ADARB2: variants seen among roughly 807,000 people sequenced by gnomAD.
ADARB2 encodes inactive double-stranded RNA-specific editase B2.
ADARB2 carries 25 observed loss-of-function variants against 62.2 expected under a neutral mutation model. The ratio of observed to expected loss-of-function variants is 0.40; its 90% CI spans 0.29 to 0.56. The LOEUF (loss-of-function observed/expected upper bound fraction) is 0.56, where lower values mean the gene tolerates loss of function less well. ADARB2 is among the 20% of genes least tolerant of loss of function. The probability of loss-of-function intolerance (pLI) is 0.43; values close to 1 mark genes in which losing one functional copy is unlikely to be tolerated. For missense variants in ADARB2, 1,071 were observed against 1,077.4 expected, an observed-to-expected ratio of 0.99 and a Z score of 0.08; for synonymous variants, 572 against 500.8, an observed-to-expected ratio of 1.14 and a Z score of -1.90.
At position 1,363,405 on chromosome 10, in the gene ADARB2, G is replaced by A. The variant is rs1832280437; in HGVS notation, c.700C>T (p.Pro234Ser). The A allele has an allele frequency of 7.4e-7, 1 of 1,355,306 alleles. No individual in the cohort carries two copies. Among genetic ancestry groups the A allele is most frequent in the East Asian group, 3.1e-5 (1 of 32,162 alleles). 84.0% of individuals were successfully genotyped at this position (1,355,306 alleles called of 1,614,324 possible). A position where few individuals can be genotyped will look rare whatever the true frequency, so the allele number is the denominator to read the frequency against. The change falls in exon 3 of 10, where the codon CCC becomes TCC. Residue 234 changes from proline (P) to serine (S), a missense_variant. Physicochemically the swap from Pro to Ser is moderately conservative, Grantham distance 74. Transcript: ENST00000381312. ...FQEFEPPAPR[P>S]GLAGGRPGDA... ...CCGGGGCGGCCTCCCGCGAGTCCGG[G>A]GCGCGGCGCCGGGGGCTCGAACTCC...
At chr10:1,344,511 C>T (rs912367280) in intron 3 of ADARB2, among the ~76,000 whole-genome samples, 13 of 152,286 alleles carry the variant, frequency 8.5e-5, no homozygotes, top group African/African-American at 2.2e-4. Context: ...CATAAATGGG[C>T]GCTGAACGCT....
intron 1 of ADARB2, among the ~76,000 whole-genome samples, chr10:1,659,427 G>A (rs906486946): frequency 6.6e-6 from 1 of 152,090 alleles, no homozygotes; most frequent in African/African-American, 2.4e-5. Context: ...TCTAAAAAAC[G>A]AAAAAACCAA....
intron 1 of ADARB2, among the ~76,000 whole-genome samples, chr10:1,418,276 G>A (rs889668023): frequency 1.1e-4 from 16 of 152,214 alleles, no homozygotes; most frequent in African/African-American, 3.9e-4. Context: ...AGCACCCCTG[G>A]AGTTCCCGGG....
At chr10:1,563,546 C>T (rs12260411) in intron 1 of ADARB2, among the ~76,000 whole-genome samples, 32,501 of 152,064 alleles carry the variant, frequency 0.21, 3,679 homozygotes, top group Non-Finnish European at 0.23. Flanking sequence ...CTACTATAAT[C>T]GCGCCAGTTT....
At chr10:1,422,135 G>A (rs1384649883) in intron 1 of ADARB2, among the ~76,000 whole-genome samples, 1 of 152,172 alleles carries the variant, frequency 6.6e-6, no homozygotes, top group Non-Finnish European at 1.5e-5. Flanking sequence ...ACTTCCACGA[G>A]TTTTTAAGCC....
At chr10:1,382,902 G>A (rs1012222207) in intron 1 of ADARB2, among the ~76,000 whole-genome samples, 3 of 152,160 alleles carry the variant, frequency 2.0e-5, no homozygotes, top group Non-Finnish European at 4.4e-5. Context: ...CTCACATCCT[G>A]GGTTCTTGAG....
intron 3 of ADARB2, among the ~76,000 whole-genome samples, chr10:1,313,136 G>C (rs1831707319): frequency 6.6e-6 from 1 of 152,186 alleles, no homozygotes; most frequent in Admixed American, 6.5e-5. Context: ...GCCGTGGAGT[G>C]GGGTGGGAGT....
intron 1 of ADARB2, among the ~76,000 whole-genome samples, chr10:1,421,348 A>G (rs1239475938): frequency 4.6e-5 from 7 of 151,938 alleles, no homozygotes; most frequent in Admixed American, 4.6e-4. Flanking sequence ...AAAGGGTCTC[A>G]GTGTCTCAGG....
Position 1,658,127 on chromosome 10 carries a change from GCTGT to G in ADARB2, c.100+78920_100+78923del, listed in dbSNP as rs550980722. Among the ~76,000 whole-genome samples the G allele has an allele frequency of 2.4e-3, 358 of 147,098 alleles. 1 individual carries two copies. Among genetic ancestry groups the G allele is most frequent in the African/African-American group, 8.7e-3 (345 of 39,614 alleles). On this transcript the variant is annotated intron_variant, in intron 1 of 9. Coordinates refer to ENST00000381312, the MANE Select transcript of ADARB2 (RefSeq NM_018702.4). Reference sequence around the variant, plus strand: ...CTGTCTCTATCTGATTCTGTCTGATGCTGTCTCTCTCTCTCTCTGTATCTTATTC... The same window carrying G: ...CTGTCTCTATCTGATTCTGTCTGATGCTCTCTCTCTCTCTGTATCTTATTC...
At chr10:1,712,817 G>A (rs1482354773) in intron 1 of ADARB2, among the ~76,000 whole-genome samples, 1 of 151,924 alleles carries the variant, frequency 6.6e-6, no homozygotes, top group Non-Finnish European at 1.5e-5. Flanking sequence ...CACCGTGTTA[G>A]TCAGGATGGT....
intron 1 of ADARB2, among the ~76,000 whole-genome samples, chr10:1,421,865 G>T (rs1832855005): frequency 6.6e-6 from 1 of 152,218 alleles, no homozygotes; most frequent in Non-Finnish European, 1.5e-5. Flanking sequence ...CATTTTGGAT[G>T]ATTGTATTTG....
intron 3 of ADARB2, among the ~76,000 whole-genome samples, chr10:1,326,830 G>A (rs1422221739): frequency 3.2e-5 from 3 of 94,068 alleles, no homozygotes; most frequent in African/African-American, 1.1e-4. Flanking sequence ...ACGGCCCAGC[G>A]CCTCCCCACG....
chr10:1,261,928 G>A (rs1408308154), intron 4 of ADARB2, among the ~76,000 whole-genome samples: 6 of 148,486 alleles, frequency 4.0e-5, no homozygotes, highest in African/African-American at 1.6e-4. Context: ...TTAAGAAAAT[G>A]TGGCACATAT....
chr10:1,667,969 A>G (rs780795960), intron 1 of ADARB2, among the ~76,000 whole-genome samples: 3 of 152,216 alleles, frequency 2.0e-5, no homozygotes, highest in Non-Finnish European at 2.9e-5. Flanking sequence ...TGAGAACATT[A>G]GGTCACTTCT....
intron 1 of ADARB2, among the ~76,000 whole-genome samples, chr10:1,585,628 T>C (rs1046675176): frequency 6.6e-6 from 1 of 152,226 alleles, no homozygotes; most frequent in Non-Finnish European, 1.5e-5. Flanking sequence ...AAAAGCTACC[T>C]ATGACCTGGA....
At chr10:1,385,899 C>T (rs1832521400) in intron 1 of ADARB2, among the ~76,000 whole-genome samples, 1 of 152,070 alleles carries the variant, frequency 6.6e-6, no homozygotes, top group Non-Finnish European at 1.5e-5. Flanking sequence ...AGAAACAGGA[C>T]ATCTTACATA....
chr10:1,504,161 C>A (rs968801440), intron 1 of ADARB2, among the ~76,000 whole-genome samples: 1 of 152,192 alleles, frequency 6.6e-6, no homozygotes, highest in Admixed American at 6.5e-5. Flanking sequence ...TCCTTCACTT[C>A]CATGCTGAGG....
chr10:1,348,713 AC>A (rs1832105465), intron 3 of ADARB2, among the ~76,000 whole-genome samples: 1 of 152,146 alleles, frequency 6.6e-6, no homozygotes, highest in Admixed American at 6.5e-5. Flanking sequence ...CCAGGTCCCG[AC>A]TGCTGGCTTT....
intron 1 of ADARB2, among the ~76,000 whole-genome samples, chr10:1,702,803 G>A (rs1030056295): frequency 6.6e-6 from 1 of 152,182 alleles, no homozygotes; most frequent in African/African-American, 2.4e-5. Flanking sequence ...CTCCTTTAGA[G>A]GAATGTTTCA....
Sources: gnomAD v4.1 joint callset for allele counts (sites outside exome capture counted in the v4.1 genomes callset) on GRCh38, gnomAD v4.1.1 for gene constraint, MANE v1.5 for transcripts, NCBI Gene and HGNC (gene_info 2026-07-23, HGNC 2026-07-21) for gene names.